Variants in DGKB observed in about 807,000 individuals in gnomAD.
DGKB encodes diacylglycerol kinase beta.
In DGKB, 67 loss-of-function variants were observed where a neutral mutation model predicts 114.3. That is an observed-to-expected ratio of 0.59 (90% CI 0.48 to 0.72). The LOEUF is 0.72. Ranked by LOEUF, DGKB falls within the 30% of genes least tolerant of loss-of-function variation. The pLI is 0.00. For missense variants in DGKB, 907 were observed against 975.2 expected (o/e 0.93, Z 0.93); for synonymous variants, 398 against 323.1 (o/e 1.23, Z -2.49).
intron 25 of DGKB, among the ~76,000 whole-genome samples, chr7:14,151,681 A>C (rs1782230778): frequency 6.6e-6 from 1 of 152,042 alleles, no homozygotes; most frequent in African/African-American, 2.4e-5. Flanking sequence ...CAAAGTACAC[A>C]ACTGTTTCTT....
chr7:14,562,891 G>A (rs953066812), intron 20 of DGKB, among the ~76,000 whole-genome samples: 1 of 152,148 alleles, frequency 6.6e-6, no homozygotes, highest in African/African-American at 2.4e-5. Context: ...GTTTTGAAAT[G>A]TGAGGATAGG....
At chr7:14,718,718 T>C (rs767116359) in intron 5 of DGKB, 33 bp from the exon 6 acceptor site, 3 of 1,489,082 alleles carry the variant, frequency 2.0e-6, no homozygotes, top group South Asian at 1.2e-5. Flanking sequence ...ATTTTGTTAA[T>C]TATTTACAGT....
chr7:14,917,276 T>A (rs146764794), intron 1 of DGKB, among the ~76,000 whole-genome samples: 4 of 151,886 alleles, frequency 2.6e-5, no homozygotes, highest in African/African-American at 4.8e-5. Context: ...AAAATAGAAG[T>A]TAGAGCAGAG....
intron 19 of DGKB, among the ~76,000 whole-genome samples, chr7:14,576,620 T>C (rs1294685845): frequency 6.6e-6 from 1 of 152,116 alleles, no homozygotes; most frequent in East Asian, 1.9e-4. Context: ...AATAATGCTT[T>C]CAAAAAGGTT....
At chr7:14,750,000 G>A (rs1404443040) in intron 4 of DGKB, 2 of 441,184 alleles carry the variant, frequency 4.5e-6, no homozygotes, top group South Asian at 1.6e-5. Flanking sequence ...TTACCTTACA[G>A]GTCCTCATTA....
intron 1 of DGKB, among the ~76,000 whole-genome samples, chr7:14,885,266 C>T (rs1412086386): frequency 6.6e-6 from 1 of 151,928 alleles, no homozygotes; most frequent in South Asian, 2.1e-4. Context: ...GGGCACTACA[C>T]AAATAAATTT....
At chr7:14,334,736 A>T (rs899320196) in intron 23 of DGKB, among the ~76,000 whole-genome samples, 4 of 152,112 alleles carry the variant, frequency 2.6e-5, no homozygotes, top group Non-Finnish European at 5.9e-5. Context: ...AGTCATTTGT[A>T]CATTAATGTG....
intron 21 of DGKB, among the ~76,000 whole-genome samples, chr7:14,438,189 GT>G: frequency 6.6e-6 from 1 of 152,168 alleles, no homozygotes; most frequent in South Asian, 2.1e-4. Context: ...CCAGTTGTTA[GT>G]GTAACACTAG....
chr7:14,739,690 T>C (rs1376365476), intron 4 of DGKB, among the ~76,000 whole-genome samples: 2 of 152,176 alleles, frequency 1.3e-5, no homozygotes, highest in African/African-American at 4.8e-5. Flanking sequence ...TTCACTTTCG[T>C]TTCTGGGCCT....
chr7:14,612,131 A>T (rs1385833491), intron 16 of DGKB, among the ~76,000 whole-genome samples: 1 of 124,548 alleles, frequency 8.0e-6, no homozygotes, highest in African/African-American at 2.6e-5. Context: ...CTATATACTG[A>T]TGAAAAGAAA....
chr7:14,265,151 T>A (rs527267220), intron 23 of DGKB, among the ~76,000 whole-genome samples: 6 of 150,976 alleles, frequency 4.0e-5, no homozygotes, highest in Admixed American at 6.6e-5. Flanking sequence ...TTTTTTTTTT[T>A]TTCACCTAAA....
At chr7:14,492,663 A>T (rs908283754) in intron 20 of DGKB, among the ~76,000 whole-genome samples, 4 of 152,084 alleles carry the variant, frequency 2.6e-5, no homozygotes, top group African/African-American at 9.7e-5. Context: ...TCTAGACCTG[A>T]TGTATTTCTA....
At chr7:14,656,769 C>CACAT (rs1554579169) in intron 13 of DGKB, among the ~76,000 whole-genome samples, 2 of 150,974 alleles carry the variant, frequency 1.3e-5, no homozygotes, top group Admixed American at 6.6e-5. Flanking sequence ...CACACACACA[C>CACAT]ACATATCCTA....
chr7:14,495,450 A>G (rs1295681296), intron 20 of DGKB, among the ~76,000 whole-genome samples: 3 of 151,848 alleles, frequency 2.0e-5, no homozygotes, highest in Non-Finnish European at 4.4e-5. Flanking sequence ...ATGCAATTGA[A>G]AAAAGAAGTT....
chr7:14,334,786 G>A (rs1362831957), intron 23 of DGKB, among the ~76,000 whole-genome samples: 2 of 152,136 alleles, frequency 1.3e-5, no homozygotes, highest in East Asian at 3.9e-4. Flanking sequence ...TAATTCAGAA[G>A]AGGGGGAGGA....
intron 2 of DGKB, among the ~76,000 whole-genome samples, chr7:14,790,054 G>C (rs764824130): frequency 2.6e-5 from 4 of 152,114 alleles, no homozygotes; most frequent in Admixed American, 6.5e-5. Context: ...ATGTTTAATA[G>C]CTTTCCATGT....
rs1583665117 is a variant in DGKB at position 14,402,074 on chromosome 7, C to T, written c.1836-56683G>A. ...CTGTGGGGTACTACAGATTCTTGGG[C>T]AGGGGCTAATAATTACCATTCTCTT... On this transcript the variant is annotated intron_variant, in intron 21 of 25. Coordinates refer to ENST00000402815, the MANE Select transcript of DGKB (RefSeq NM_001350709.2). Among the ~76,000 whole-genome samples the T allele has an allele frequency of 1.3e-5, 2 of 151,698 alleles. 1 individual carries two copies. Among genetic ancestry groups the T allele is most frequent in the East Asian group, 3.9e-4 (2 of 5,154 alleles).
chr7:14,210,066 C>T (rs1787507388), intron 23 of DGKB, among the ~76,000 whole-genome samples: 1 of 152,014 alleles, frequency 6.6e-6, no homozygotes, highest in Non-Finnish European at 1.5e-5. Context: ...ACAAGAACAT[C>T]TGTGTTGGGG....
At position 14,585,554 on chromosome 7, in the gene DGKB, A is replaced by C. The variant is rs149744463; in HGVS notation, c.1434-2417T>G. Among the ~76,000 whole-genome samples, 77 of 152,316 alleles carry C rather than the reference A, an allele frequency of 5.1e-4. 1 individual carries two copies. The highest frequency in any genetic ancestry group is 3.2e-3 in the Admixed American group (49 of 15,292). On this transcript the variant is annotated intron_variant, in intron 17 of 25. Transcript: ENST00000402815. Reference sequence around the variant, plus strand: ...GTTAAATACCACTTACATGTCTTTTAAAATCCATGTCAATGGGCATTTCAA... The same window carrying C: ...GTTAAATACCACTTACATGTCTTTTCAAATCCATGTCAATGGGCATTTCAA...
Sources: allele counts gnomAD v4.1 joint callset (sites outside exome capture counted in the v4.1 genomes callset), GRCh38; gene constraint gnomAD v4.1.1; transcripts MANE v1.5; gene names NCBI Gene and HGNC (gene_info 2026-07-23, HGNC 2026-07-21).